RASGEF1C: variants seen among roughly 807,000 people sequenced by gnomAD.
RASGEF1C encodes the protein RasGEF domain family member 1C.
Under a neutral mutation model 58.1 loss-of-function variants are expected in RASGEF1C, and 27 were observed. The ratio of observed to expected loss-of-function variants is 0.46; its 90% CI spans 0.34 to 0.64. The LOEUF (loss-of-function observed/expected upper bound fraction) is 0.64. RASGEF1C is among the 30% of genes least tolerant of loss of function. The pLI is 0.01. For synonymous variants in RASGEF1C, 243 were observed against 246.3 expected, an observed-to-expected ratio of 0.99 and a Z score of 0.13; for missense variants, 502 against 605.1, an observed-to-expected ratio of 0.83 and a Z score of 1.79.
intron 1 of RASGEF1C, among the ~76,000 whole-genome samples, chr5:180,202,021 A>G (rs554359478): frequency 3.9e-5 from 6 of 152,316 alleles, no homozygotes; most frequent in African/African-American, 1.4e-4. Flanking sequence ...AAATCCCTAC[A>G]TTATACATTC....
At chr5:180,111,876 T>C (rs924627470) in intron 11 of RASGEF1C, among the ~76,000 whole-genome samples, 2 of 152,242 alleles carry the variant, frequency 1.3e-5, no homozygotes, top group African/African-American at 4.8e-5. Context: ...TAGGTATATT[T>C]AAGTAAGACT....
chr5:180,115,955 CTG>C (rs949743754), intron 10 of RASGEF1C, among the ~76,000 whole-genome samples: 63 of 152,220 alleles, frequency 4.1e-4, no homozygotes, highest in Admixed American at 1.5e-3. Context: ...GACAGCCGAA[CTG>C]TGTTGGAACA....
intron 1 of RASGEF1C, among the ~76,000 whole-genome samples, chr5:180,196,519 A>G (rs1206555136): frequency 1.3e-5 from 2 of 152,128 alleles, no homozygotes; most frequent in South Asian, 2.1e-4. Flanking sequence ...AAAAAAGAAA[A>G]AAAAAAAAGA....
chr5:180,151,827 A>G (rs1166199085), intron 1 of RASGEF1C, among the ~76,000 whole-genome samples: 3 of 150,942 alleles, frequency 2.0e-5, no homozygotes, highest in African/African-American at 7.3e-5. Context: ...CATCGGACAA[A>G]GGGCTAATAT....
In RASGEF1C at chr5:180,102,123, C is replaced by T. The variant is rs1325033060; in HGVS notation, c.1324G>A (p.Glu442Lys). The T allele has an allele frequency of 6.3e-7, 1 of 1,597,214 alleles. No individual in the cohort carries two copies. Among genetic ancestry groups the T allele is most frequent in the Non-Finnish European group, 8.6e-7 (1 of 1,164,678 alleles). ...GTTTGGTTCTCTGGGCTCTCACTTTCGTAAGAAGCCAAATAAAGACCTAGA... is the reference window on the plus strand; with the variant it reads ...GTTTGGTTCTCTGGGCTCTCACTTTTGTAAGAAGCCAAATAAAGACCTAGA... ...SEDGLYLASY[E>K]SESPENQTEK... is the part of the protein sequence containing the mutation. The change falls in exon 13 of 14, where the codon GAA (glutamate) becomes AAA (lysine). Residue 442 changes from glutamate to lysine, a missense_variant. By Grantham distance (56) the Glu-to-Lys change is moderately conservative. Transcript: ENST00000361132.
At chr5:180,165,430 G>C (rs1336520218) in intron 1 of RASGEF1C, among the ~76,000 whole-genome samples, 1 of 152,036 alleles carries the variant, frequency 6.6e-6, no homozygotes, top group Non-Finnish European at 1.5e-5. Flanking sequence ...AGCACTTTGG[G>C]AGGCTGAGGC....
At chr5:180,133,244 C>T (rs1766400330) in intron 4 of RASGEF1C, among the ~76,000 whole-genome samples, 1 of 152,202 alleles carries the variant, frequency 6.6e-6, no homozygotes, top group Admixed American at 6.5e-5. Flanking sequence ...CGGGACTCCC[C>T]AGAACCACGG....
intron 1 of RASGEF1C, among the ~76,000 whole-genome samples, chr5:180,196,223 G>T (rs1423041094): frequency 1.3e-5 from 2 of 150,906 alleles, no homozygotes; most frequent in Non-Finnish European, 3.0e-5. Flanking sequence ...TTCAGGGCCG[G>T]GCTCAGTGGC....
intron 1 of RASGEF1C, among the ~76,000 whole-genome samples, chr5:180,153,596 G>A (rs377072426): frequency 3.0e-4 from 45 of 152,264 alleles, no homozygotes; most frequent in Middle Eastern, 3.4e-3. Flanking sequence ...TTACTCCACC[G>A]TCTTCCCTGA....
At chr5:180,135,890 C>G (rs1766463599) in intron 4 of RASGEF1C, among the ~76,000 whole-genome samples, 3 of 152,378 alleles carry the variant, frequency 2.0e-5, no homozygotes, top group East Asian at 1.9e-4. Flanking sequence ...TCTGTTTGGA[C>G]AGATGTGGCC....
At position 180,118,505 on chromosome 5, in the gene RASGEF1C, C is replaced by G. The variant is rs547223862; in HGVS notation, c.1083+104G>C. ...CACGCAAGCAAGGAGACCTGGCTGT[C>G]TATTACTGATGCTGCAGGGGGCAGG... is the stretch of plus-strand genomic sequence containing the variant. On this transcript the variant is annotated intron_variant, in intron 10 of 13. Coordinates refer to ENST00000361132, the MANE Select transcript of RASGEF1C (RefSeq NM_175062.4). 10 of 1,086,176 alleles carry G rather than the reference C, an allele frequency of 9.2e-6. No individual in the cohort carries two copies. The South Asian group carries it at 1.5e-4, about 17-fold the overall frequency. The allele number at this position is 1,086,176 out of a possible 1,614,324, so 67.3% of individuals were successfully genotyped here. A position where few individuals can be genotyped will look rare whatever the true frequency, so the allele number is the denominator to read the frequency against.
At chr5:180,118,983 C>T in intron 8 of RASGEF1C, 117 bp from the exon 9 acceptor site, 3 of 934,420 alleles carry the variant, frequency 3.2e-6, no homozygotes, top group South Asian at 2.7e-5. Context: ...CTCAGCCTGT[C>T]ACATGGTGGG....
At chr5:180,157,645 A>G (rs1386452295) in intron 1 of RASGEF1C, among the ~76,000 whole-genome samples, 1 of 151,592 alleles carries the variant, frequency 6.6e-6, no homozygotes, top group Non-Finnish European at 1.5e-5. Flanking sequence ...AAAAAACAAC[A>G]AAAATGAAGT....
chr5:180,135,772 G>C (rs770297347), intron 4 of RASGEF1C, among the ~76,000 whole-genome samples: 1 of 152,230 alleles, frequency 6.6e-6, no homozygotes, highest in Non-Finnish European at 1.5e-5. Context: ...GGCAAGGGCC[G>C]TGTTTACCTG....
At chr5:180,101,825 C>T (rs1318148688) in intron 13 of RASGEF1C, among the ~76,000 whole-genome samples, 1 of 152,220 alleles carries the variant, frequency 6.6e-6, no homozygotes, top group East Asian at 1.9e-4. Flanking sequence ...TGACTGCACA[C>T]AGAGGCAGCC....
intron 1 of RASGEF1C, among the ~76,000 whole-genome samples, chr5:180,196,222 G>A (rs1756274342): frequency 6.6e-6 from 1 of 150,834 alleles, no homozygotes; most frequent in East Asian, 1.9e-4. Flanking sequence ...GTTCAGGGCC[G>A]GGCTCAGTGG....
chr5:180,118,739 G>T (rs925213141), intron 9 of RASGEF1C, 35 bp from the exon 10 acceptor site: 4 of 1,614,072 alleles, frequency 2.5e-6, no homozygotes, highest in Non-Finnish European at 3.4e-6. Context: ...GGGCAGTTCT[G>T]TCCAGGGGAT....
In RASGEF1C at chr5:180,136,473, C is replaced by A. The variant is rs546781374; in HGVS notation, c.343G>T (p.Ala115Ser). 2.9e-5 allele frequency: 45 copies of A among 1,565,294 alleles called. No individual in the cohort carries two copies. The highest frequency in any genetic ancestry group is 1.1e-4 in the Admixed American group (6 of 53,688). ...KFGPKLLQLL[A>S]EWTETFPRDF... The stretch of plus-strand genomic sequence containing the variant: ...CTTGGGAAGGTCTCGGTCCACTCGG[C>A]CAACAGCTGCAGCAGTTTGGGGCCG... Residue 115 changes from alanine to serine, a missense_variant, in exon 4 of 14, where the codon GCC (alanine) becomes TCC (serine). By Grantham distance (99) the Ala-to-Ser change is moderately conservative (BLOSUM62 1). Coordinates refer to ENST00000361132, the MANE Select transcript of RASGEF1C (RefSeq NM_175062.4).
rs564630006 is a variant in RASGEF1C at position 180,108,283 on chromosome 5, C to T, written c.1303+3174G>A. ...GTGGTGCGATCTCGGCTCACTGTAA[C>T]CTCCACCTCTTTGGTTCAAGTGATT... is the stretch of plus-strand genomic sequence containing the variant. On this transcript the variant is annotated intron_variant, in intron 12 of 13. Transcript: ENST00000361132. 3.3e-5 allele frequency among the ~76,000 whole-genome samples: 5 copies of T among 151,320 alleles called. No individual in the cohort carries two copies. In the East Asian group the frequency reaches 9.8e-4, roughly 30 times the overall value.
Sources: gnomAD v4.1 joint callset for allele counts (sites outside exome capture counted in the v4.1 genomes callset) on GRCh38, gnomAD v4.1.1 for gene constraint, MANE v1.5 for transcripts, NCBI Gene and HGNC (gene_info 2026-07-23, HGNC 2026-07-21) for gene names.